MGST1: variants seen among roughly 807,000 people sequenced by gnomAD.
MGST1 encodes glutathione S-transferase 12.
In MGST1, 5 loss-of-function variants were observed where a neutral mutation model predicts 8.9. That is an observed-to-expected ratio of 0.56 (90% CI 0.29 to 1.19). The LOEUF is 1.19. Among genes scored for constraint, MGST1 ranks in the 50% most tolerant of loss-of-function variants. The pLI, the probability that MGST1 is intolerant of heterozygous loss-of-function variation, is 0.08. For synonymous variants in MGST1, 54 were observed against 67.8 expected (o/e 0.80, Z 1.00); for missense variants, 182 against 187.4 (o/e 0.97, Z 0.17).
chr12:16,433,055 G>T (rs1411521277), intron 1 of MGST1, among the ~76,000 whole-genome samples: 1 of 152,048 alleles, frequency 6.6e-6, no homozygotes, highest in East Asian at 1.9e-4. Flanking sequence ...CGATCACAAG[G>T]TGAGGTTCCA....
chr12:16,471,087 C>T (rs1941287402), intron 4 of MGST1, among the ~76,000 whole-genome samples: 1 of 152,148 alleles, frequency 6.6e-6, no homozygotes. Context: ...CTGCATTTTC[C>T]ACTAGTGTAA....
chr12:16,415,812 A>T (rs10772934), intron 1 of MGST1, among the ~76,000 whole-genome samples: 1 of 152,036 alleles, frequency 6.6e-6, no homozygotes, highest in African/African-American at 2.4e-5. Context: ...TGTTTTTCAA[A>T]GATCTACTGT....
At chr12:16,428,062 C>T (rs935043690) in intron 1 of MGST1, among the ~76,000 whole-genome samples, 2 of 151,376 alleles carry the variant, frequency 1.3e-5, no homozygotes, top group Non-Finnish European at 2.9e-5. Context: ...GTTTTGTAAC[C>T]TTTTTTAAAA....
intron 4 of MGST1, among the ~76,000 whole-genome samples, chr12:16,566,520 A>G (rs1214491653): frequency 6.6e-6 from 1 of 152,198 alleles, no homozygotes; most frequent in Non-Finnish European, 1.5e-5. Context: ...ACTGTACCCT[A>G]GAAATATGTA....
intron 4 of MGST1, among the ~76,000 whole-genome samples, chr12:16,564,604 C>G (rs1232104489): frequency 6.6e-6 from 1 of 152,040 alleles, no homozygotes; most frequent in Non-Finnish European, 1.5e-5. Context: ...ATTTTTTTAA[C>G]CAGGTCAGTG....
At chr12:16,395,490 G>T (rs942605760) in intron 1 of MGST1, among the ~76,000 whole-genome samples, 14 of 151,918 alleles carry the variant, frequency 9.2e-5, no homozygotes, top group Non-Finnish European at 1.9e-4. Context: ...TTCTTTAGTG[G>T]TGATTTGTGA....
At chr12:16,529,492 A>C (rs568415918) in intron 4 of MGST1, among the ~76,000 whole-genome samples, 9 of 152,214 alleles carry the variant, frequency 5.9e-5, no homozygotes, top group South Asian at 2.1e-4. Context: ...ACACAAGTCT[A>C]TCAACAATTT....
rs1162925479 is a variant in MGST1 at position 16,357,629 on chromosome 12, G to C, written c.151G>C (p.Val51Leu). 6.2e-7 allele frequency: 1 copy of C among 1,613,866 alleles called. No individual in the cohort carries two copies. The highest frequency in any genetic ancestry group is 1.1e-5 in the South Asian group (1 of 90,998). The change falls in exon 3 of 4, where the codon GTA becomes CTA. Residue 51 changes from valine to leucine, a missense_variant. Coordinates refer to ENST00000396210, the MANE Select transcript of MGST1 (RefSeq NM_020300.5). ...RKVFANPEDC[V>L]AFGKGENAKK... ...GGTTTTTGCCAATCCAGAAGACTGT[G>C]TAGCATTTGGCAAAGGAGAAAATGC...
At chr12:16,530,401 C>T (rs1171756093) in intron 4 of MGST1, among the ~76,000 whole-genome samples, 1 of 152,028 alleles carries the variant, frequency 6.6e-6, no homozygotes, top group Non-Finnish European at 1.5e-5. Context: ...TTCCAAACAC[C>T]TGCTACAAAC....
chr12:16,412,825 C>T lies in MGST1; in HGVS notation n.779-24563C>T, dbSNP rs530526643. ...AACTTCTTTTTCTTTATAGATTACC[C>T]AGTCTCAAGTATGTCTTTATTAGCA... On this transcript the variant is annotated intron_variant and non_coding_transcript_variant, in intron 1 of 1. Transcript: ENST00000359720. Among the ~76,000 whole-genome samples the T allele has an allele frequency of 5.9e-5, 9 of 152,262 alleles. No individual in the cohort carries two copies. The East Asian group carries it at 1.7e-3, about 29-fold the overall frequency.
intron 4 of MGST1, among the ~76,000 whole-genome samples, chr12:16,492,226 A>G (rs1006049526): frequency 1.3e-5 from 2 of 152,190 alleles, no homozygotes; most frequent in Non-Finnish European, 2.9e-5. Context: ...GTGATAATGT[A>G]TTAAAATCTT....
At chr12:16,407,877 C>A (rs1406995986) in intron 1 of MGST1, among the ~76,000 whole-genome samples, 50 of 151,540 alleles carry the variant, frequency 3.3e-4, no homozygotes, top group Non-Finnish European at 8.8e-5. Context: ...ACTAAAAATA[C>A]AAAAATTAGC....
At chr12:16,447,227 C>T (rs1452099649) in intron 4 of MGST1, among the ~76,000 whole-genome samples, 1 of 151,896 alleles carries the variant, frequency 6.6e-6, no homozygotes, top group Non-Finnish European at 1.5e-5. Context: ...AGTTTCATGT[C>T]CTGCCTCCTT....
At chr12:16,491,532 C>G (rs114479665) in intron 4 of MGST1, among the ~76,000 whole-genome samples, 1,920 of 152,216 alleles carry the variant, frequency 0.013, 42 homozygotes, top group African/African-American at 0.043. Context: ...TTTCGTTGTC[C>G]ATTTTCCTCT....
intron 4 of MGST1, among the ~76,000 whole-genome samples, chr12:16,487,417 C>A (rs527369092): frequency 6.6e-6 from 1 of 152,044 alleles, no homozygotes; most frequent in East Asian, 2.0e-4. Context: ...GAAAGACTCT[C>A]CAACTAACTT....
chr12:16,439,963 C>A (rs969642936), downstream of MGST1, among the ~76,000 whole-genome samples: 2 of 151,764 alleles, frequency 1.3e-5, no homozygotes, highest in Non-Finnish European at 2.9e-5. Flanking sequence ...CCTTTTCTAT[C>A]AGCTCCCAGA....
At chr12:16,512,136 G>T (rs1941580991) in intron 4 of MGST1, among the ~76,000 whole-genome samples, 1 of 151,982 alleles carries the variant, frequency 6.6e-6, no homozygotes, top group Non-Finnish European at 1.5e-5. Flanking sequence ...TTTTTAGATT[G>T]CTAGTTCTTT....
chr12:16,402,178 C>G (rs1225434175), intron 1 of MGST1: 1 of 1,510,036 alleles, frequency 6.6e-7, no homozygotes, highest in African/African-American at 1.4e-5. Flanking sequence ...AAAAACTCCA[C>G]TTTTTTTTTG....
At chr12:16,431,971 A>C (rs1940942866) in intron 1 of MGST1, among the ~76,000 whole-genome samples, 1 of 152,160 alleles carries the variant, frequency 6.6e-6, no homozygotes, top group South Asian at 2.1e-4. Context: ...GCATTTATAA[A>C]ATCTCTTCTT....
Sources: gnomAD v4.1 joint callset for allele counts (sites outside exome capture counted in the v4.1 genomes callset) on GRCh38, gnomAD v4.1.1 for gene constraint, MANE v1.5 for transcripts, NCBI Gene and HGNC (gene_info 2026-07-23, HGNC 2026-07-21) for gene names.